The following KIAA1671 variants were observed in gnomAD, a reference collection of about 807,000 sequenced individuals.
KIAA1671 encodes KIAA1671, also known as uncharacterized protein KIAA1671.
KIAA1671 carries 52 observed loss-of-function variants against 131.2 expected under a neutral mutation model. That is an observed-to-expected ratio of 0.40 (90% CI 0.32 to 0.50). The LOEUF is 0.50. Among genes scored for constraint, KIAA1671 ranks in the 20% least tolerant of loss-of-function variants. KIAA1671 has a pLI of 0.73. For missense variants in KIAA1671, 2,360 were observed against 2,364.2 expected (o/e 1.00, Z 0.04); for synonymous variants, 1,003 against 961.6 (o/e 1.04, Z -0.80).
intron 6 of KIAA1671, among the ~76,000 whole-genome samples, chr22:25,166,553 C>T (rs963048522): frequency 6.6e-6 from 1 of 152,084 alleles, no homozygotes; most frequent in Admixed American, 6.5e-5. Context: ...GGGGGATCCC[C>T]CTCTCTCAGG....
At chr22:25,178,262 G>C (rs1487077898) in intron 9 of KIAA1671, among the ~76,000 whole-genome samples, 2 of 152,306 alleles carry the variant, frequency 1.3e-5, no homozygotes, top group East Asian at 1.9e-4. Context: ...GAGAGGCCTA[G>C]AGTCAGGCCT....
intron 5 of KIAA1671, among the ~76,000 whole-genome samples, chr22:25,046,971 G>GT (rs151333876): frequency 1.3e-3 from 158 of 125,582 alleles, no homozygotes; most frequent in South Asian, 3.8e-3. Context: ...TGTCTTGAGA[G>GT]TTTTTTTTTT....
chr22:25,075,770 G>A (rs1929071746), intron 6 of KIAA1671, among the ~76,000 whole-genome samples: 1 of 137,646 alleles, frequency 7.3e-6, no homozygotes, highest in African/African-American at 2.9e-5. Flanking sequence ...CCAGTCATCA[G>A]TGCGCATCTT....
At chr22:25,010,737 C>A (rs1160447807) in intron 1 of KIAA1671, 1 of 152,096 alleles carries the variant, frequency 6.6e-6, no homozygotes, top group African/African-American at 2.4e-5. Context: ...TTTTTGCCTG[C>A]ATGGAATAGA....
intron 6 of KIAA1671, among the ~76,000 whole-genome samples, chr22:25,120,085 T>C (rs1286306269): frequency 6.6e-6 from 1 of 152,138 alleles, no homozygotes; most frequent in Non-Finnish European, 1.5e-5. Flanking sequence ...TTGTTACTAA[T>C]ACATTTCTCC....
intron 6 of KIAA1671, among the ~76,000 whole-genome samples, chr22:25,089,575 T>C (rs931511836): frequency 1.3e-5 from 2 of 152,152 alleles, no homozygotes; most frequent in African/African-American, 2.4e-5. Context: ...CACCCGGCCA[T>C]GTGTGTTTAA....
chr22:25,093,682 GACACACACACACACACACACACAC>G lies in KIAA1671; in HGVS notation c.4530+44351_4530+44374del, dbSNP rs67802603. 5.4e-4 allele frequency among the ~76,000 whole-genome samples: 27 copies of G among 49,952 alleles called. 1 individual carries two copies. The highest frequency in any genetic ancestry group is 1.6e-3 in the African/African-American group (17 of 10,854). 32.8% of individuals were successfully genotyped at this position (49,952 alleles called of 152,430 possible). On this transcript the variant is annotated intron_variant, in intron 6 of 12. Coordinates refer to ENST00000358431, the MANE Select transcript of KIAA1671 (RefSeq NM_001145206.2). ...GGTACCGGGATCTTCCCTGCCCCCC[GACACACACACACACACACACACAC>G]ACACACACACACACACACACACACA...
intron 6 of KIAA1671, among the ~76,000 whole-genome samples, chr22:25,093,004 A>G (rs1280332673): frequency 6.6e-6 from 1 of 152,172 alleles, no homozygotes; most frequent in Admixed American, 6.5e-5. Context: ...GGGGAGTTGC[A>G]GATTAGTGGA....
At chr22:25,174,100 C>G in intron 7 of KIAA1671, 140 bp from the exon 8 acceptor site, 1 of 949,170 alleles carries the variant, frequency 1.1e-6, no homozygotes, top group Non-Finnish European at 1.6e-6. Context: ...AGAGGGTCTT[C>G]TGCTGGGATG....
intron 1 of KIAA1671, among the ~76,000 whole-genome samples, chr22:25,000,116 C>A (rs536596487): frequency 3.5e-4 from 53 of 151,102 alleles, no homozygotes; most frequent in African/African-American, 1.3e-3. Context: ...ATCTCCTGAC[C>A]TCGTGATCCA....
intron 7 of KIAA1671, among the ~76,000 whole-genome samples, chr22:25,171,732 T>A (rs186479102): frequency 0.074 from 11,117 of 150,930 alleles, 1,053 homozygotes; most frequent in African/African-American, 0.22. Context: ...AAAAAAATAA[T>A]AATAATAATA....
At position 25,112,001 on chromosome 22, in the gene KIAA1671, G is replaced by T. The variant is rs975741866; in HGVS notation, c.4531-58819G>T. 3.1e-5 allele frequency: 12 copies of T among 386,218 alleles called. No individual in the cohort carries two copies. The East Asian group carries it at 3.7e-4, about 12-fold the overall frequency. 23.9% of individuals were successfully genotyped at this position (386,218 alleles called of 1,614,324 possible). On this transcript the variant is annotated intron_variant, in intron 6 of 12. Transcript: ENST00000358431. ...GTGGATGCAGCCGGCTCCTGGCTCA[G>T]GGATGTTTACTTACCCTTGGTTTGC...
At position 25,169,120 on chromosome 22, in the gene KIAA1671, A is replaced by G. The variant is rs1340958069; in HGVS notation, c.4531-1700A>G. 2.0e-5 allele frequency among the ~76,000 whole-genome samples: 3 copies of G among 152,102 alleles called. No individual in the cohort carries two copies. The East Asian group carries it at 5.8e-4, about 29-fold the overall frequency. On this transcript the variant is annotated intron_variant, in intron 6 of 12. Transcript: ENST00000358431. ...CCATCTCCAAATTCCTCATCAAAAG[A>G]CAGTGACTGGGGCTGGGCGTGGTGC... is the stretch of plus-strand genomic sequence containing the variant.
intron 1 of KIAA1671, among the ~76,000 whole-genome samples, chr22:24,961,029 G>A (rs962336271): frequency 5.3e-5 from 8 of 152,094 alleles, no homozygotes; most frequent in African/African-American, 1.9e-4. Flanking sequence ...TTTGTTTTGA[G>A]ACAGGGTCTT....
intron 11 of KIAA1671, among the ~76,000 whole-genome samples, chr22:25,188,286 G>A (rs1934543429): frequency 6.8e-6 from 1 of 147,106 alleles, no homozygotes; most frequent in Non-Finnish European, 1.5e-5. Flanking sequence ...GGGCGACAGA[G>A]AGAGACTCCG....
chr22:25,067,212 A>G (rs1458403603), intron 6 of KIAA1671, among the ~76,000 whole-genome samples: 2 of 151,452 alleles, frequency 1.3e-5, no homozygotes, highest in African/African-American at 2.4e-5. Flanking sequence ...TCCCCTCCCC[A>G]CACCCCCCAC....
intron 5 of KIAA1671, among the ~76,000 whole-genome samples, chr22:25,047,607 G>A (rs1927320225): frequency 6.6e-6 from 1 of 151,994 alleles, no homozygotes; most frequent in Non-Finnish European, 1.5e-5. Flanking sequence ...CAAGTAGCTG[G>A]GATTACAGGC....
intron 6 of KIAA1671, among the ~76,000 whole-genome samples, chr22:25,072,708 C>T (rs796536264): frequency 1.1e-4 from 16 of 152,310 alleles, no homozygotes; most frequent in African/African-American, 3.6e-4. Context: ...TCCTCATCTG[C>T]AAAGCGAGGC....
intron 1 of KIAA1671, among the ~76,000 whole-genome samples, chr22:24,978,086 C>G (rs1329941950): frequency 6.6e-6 from 1 of 152,124 alleles, no homozygotes; most frequent in Non-Finnish European, 1.5e-5. Context: ...CTCCTTTCAT[C>G]CCCGCAACAG....
Sources: allele counts gnomAD v4.1 joint callset (sites outside exome capture counted in the v4.1 genomes callset), GRCh38; gene constraint gnomAD v4.1.1; transcripts MANE v1.5; gene names NCBI Gene and HGNC (gene_info 2026-07-23, HGNC 2026-07-21).